The following GALNT13 variants were observed in gnomAD, a reference collection of about 807,000 sequenced individuals.
GALNT13 encodes UDP-GalNAc:polypeptide N-acetylgalactosaminyltransferase 13.
In GALNT13, 28 loss-of-function variants were observed where a neutral mutation model predicts 64.2. The ratio of observed to expected loss-of-function variants is 0.44; its 90% CI spans 0.32 to 0.60. The LOEUF (loss-of-function observed/expected upper bound fraction) is 0.60. Ranked by LOEUF, GALNT13 falls within the 20% of genes least tolerant of loss-of-function variation. The pLI is 0.05. For missense variants in GALNT13, 577 were observed against 669.8 expected (o/e 0.86, Z 1.53); for synonymous variants, 214 against 224.6 (o/e 0.95, Z 0.42).
chr2:154,415,674 A>G (rs557922646), intron 11 of GALNT13, among the ~76,000 whole-genome samples: 19 of 152,294 alleles, frequency 1.2e-4, no homozygotes, highest in African/African-American at 4.6e-4. Flanking sequence ...CAGGTGTATT[A>G]AAAATTTAGA....
the GALNT13 span, among the ~76,000 whole-genome samples, chr2:153,544,362 A>G: frequency 6.6e-6 from 1 of 152,174 alleles, no homozygotes; most frequent in Non-Finnish European, 1.5e-5. Flanking sequence ...CCTTGCTAAC[A>G]ACTCATGTCT....
At chr2:153,118,532 T>A in the GALNT13 span, among the ~76,000 whole-genome samples, 114 of 152,308 alleles carry the variant, frequency 7.5e-4, 1 homozygote, top group Non-Finnish European at 9.8e-4. Flanking sequence ...ACTATTATTA[T>A]TAGCCTTTTT....
chr2:153,363,601 A>G, the GALNT13 span, among the ~76,000 whole-genome samples: 2 of 152,336 alleles, frequency 1.3e-5, no homozygotes, highest in East Asian at 3.9e-4. Context: ...AGAATATTAT[A>G]AACACCTCTA....
At chr2:153,335,285 A>G in the GALNT13 span, among the ~76,000 whole-genome samples, 2 of 152,242 alleles carry the variant, frequency 1.3e-5, no homozygotes, top group Non-Finnish European at 1.5e-5. Context: ...GAAGCAGCTT[A>G]GGAACTGGAT....
the GALNT13 span, among the ~76,000 whole-genome samples, chr2:153,291,968 G>A: frequency 4.0e-4 from 61 of 152,230 alleles, no homozygotes; most frequent in African/African-American, 1.4e-3. Context: ...AAAAGGAGAT[G>A]TATGAAACAA....
At chr2:153,381,583 G>A in the GALNT13 span, among the ~76,000 whole-genome samples, 7 of 152,030 alleles carry the variant, frequency 4.6e-5, no homozygotes, top group African/African-American at 1.4e-4. Context: ...GACACTAGAG[G>A]TAAGGCTGAT....
the GALNT13 span, among the ~76,000 whole-genome samples, chr2:153,546,118 A>G: frequency 6.6e-6 from 1 of 152,184 alleles, no homozygotes; most frequent in Non-Finnish European, 1.5e-5. Flanking sequence ...GCCACAAAAT[A>G]CATAATCTCA....
At chr2:154,128,159 G>T (rs1351898031) in intron 3 of GALNT13, among the ~76,000 whole-genome samples, 3 of 152,048 alleles carry the variant, frequency 2.0e-5, no homozygotes, top group African/African-American at 7.2e-5. Context: ...TCATTTAAAG[G>T]TGTACCTACT....
At chr2:154,403,336 G>C (rs1057289285) in intron 10 of GALNT13, among the ~76,000 whole-genome samples, 3 of 151,916 alleles carry the variant, frequency 2.0e-5, no homozygotes, top group Non-Finnish European at 4.4e-5. Context: ...CATGCCTGTA[G>C]TCCCAGCTAA....
the GALNT13 span, among the ~76,000 whole-genome samples, chr2:153,517,835 A>G: frequency 1.3e-5 from 2 of 152,154 alleles, no homozygotes; most frequent in African/African-American, 4.8e-5. Context: ...GTTTCAAGGT[A>G]TCTCCCCTAG....
chr2:153,720,155 T>C, the GALNT13 span, among the ~76,000 whole-genome samples: 5 of 145,932 alleles, frequency 3.4e-5, no homozygotes, highest in African/African-American at 1.3e-4. Context: ...CCCTGACCCC[T>C]GACCCCCGAG....
intron 1 of GALNT13, among the ~76,000 whole-genome samples, chr2:153,880,601 A>T (rs1027843554): frequency 9.2e-5 from 14 of 152,240 alleles, no homozygotes; most frequent in African/African-American, 3.4e-4. Flanking sequence ...TTCTTATAGC[A>T]AATTTCACCA....
At chr2:153,270,783 T>C in the GALNT13 span, among the ~76,000 whole-genome samples, 2 of 151,826 alleles carry the variant, frequency 1.3e-5, no homozygotes, top group African/African-American at 4.8e-5. Flanking sequence ...ACTTGGGAGG[T>C]CGAGGCTGCA....
At chr2:153,421,674 G>A in the GALNT13 span, 8 of 285,368 alleles carry the variant, frequency 2.8e-5, 1 homozygote, top group Non-Finnish European at 5.1e-5. Flanking sequence ...TATGGGCAGC[G>A]TCTTCCTTGT....
chr2:153,536,825 A>G, the GALNT13 span, among the ~76,000 whole-genome samples: 5 of 152,376 alleles, frequency 3.3e-5, no homozygotes, highest in Admixed American at 3.3e-4. Context: ...TTATAAAAGT[A>G]TGAAAATAAG....
chr2:153,371,987 C>T, the GALNT13 span, among the ~76,000 whole-genome samples: 1 of 152,154 alleles, frequency 6.6e-6, no homozygotes, highest in African/African-American at 2.4e-5. Context: ...CCAGCATTTA[C>T]TGGGCTTTTC....
chr2:153,647,784 GTTA>G, the GALNT13 span, among the ~76,000 whole-genome samples: 4 of 152,108 alleles, frequency 2.6e-5, no homozygotes, highest in African/African-American at 9.7e-5. Context: ...GTAGATGTGT[GTTA>G]TTATTTCTGA....
chr2:153,307,627 G>T, the GALNT13 span, among the ~76,000 whole-genome samples: 1 of 151,878 alleles, frequency 6.6e-6, no homozygotes, highest in Non-Finnish European at 1.5e-5. Context: ...GTAAATTGTG[G>T]CTATGCTACA....
At chr2:154,409,592 T>C (rs2105393984) in intron 11 of GALNT13, among the ~76,000 whole-genome samples, 1 of 152,140 alleles carries the variant, frequency 6.6e-6, no homozygotes, top group East Asian at 1.9e-4. Context: ...TGTGCTCTTC[T>C]TAAGCATTGG....
Sources: allele counts gnomAD v4.1 joint callset (sites outside exome capture counted in the v4.1 genomes callset), GRCh38; gene constraint gnomAD v4.1.1; transcripts MANE v1.5; gene names NCBI Gene and HGNC (gene_info 2026-07-23, HGNC 2026-07-21).